Variants in XYLT1 observed in about 807,000 individuals in gnomAD.
The protein encoded by XYLT1 is beta-D-xylosyltransferase 1.
In XYLT1, 36 loss-of-function variants were observed where a neutral mutation model predicts 91.3. That is an observed-to-expected ratio of 0.39 (90% CI 0.30 to 0.52). The LOEUF is 0.52. XYLT1 is among the 20% of genes least tolerant of loss of function. XYLT1 has a pLI of 0.68. For missense variants in XYLT1, 1,242 were observed against 1,284.5 expected, an observed-to-expected ratio of 0.97 and a Z score of 0.51; for synonymous variants, 588 against 532.0, an observed-to-expected ratio of 1.11 and a Z score of -1.45.
At chr16:17,266,720 G>T (rs1034503561) in intron 2 of XYLT1, among the ~76,000 whole-genome samples, 1 of 152,216 alleles carries the variant, frequency 6.6e-6, no homozygotes, top group Non-Finnish European at 1.5e-5. Context: ...CCATGTGCAC[G>T]CACAGCCGGC....
At chr16:17,347,105 C>T (rs1023593056) in intron 2 of XYLT1, among the ~76,000 whole-genome samples, 1 of 152,208 alleles carries the variant, frequency 6.6e-6, no homozygotes, top group African/African-American at 2.4e-5. Context: ...CCTGTTGGCT[C>T]TCAGAGGTAC....
At position 17,259,174 on chromosome 16, in the gene XYLT1, C is replaced by T; in HGVS notation, c.727G>A (p.Gly243Arg). 3 of 1,600,524 alleles carry T rather than the reference C, an allele frequency of 1.9e-6. No individual in the cohort carries two copies. The highest frequency in any genetic ancestry group is 2.6e-6 in the Non-Finnish European group (3 of 1,173,512). Residue 243 changes from glycine (G) to arginine (R), a missense_variant, in exon 3 of 12, where the codon GGG becomes AGG. By Grantham distance (125) the Gly-to-Arg change is moderately radical. This residue lies in a region of XYLT1 where 437 missense variants were observed against 411.5 expected (regional missense o/e 1.06). Coordinates refer to ENST00000261381, the MANE Select transcript of XYLT1 (RefSeq NM_022166.4). ...TACTTGGTCTCGGGGGAGCTGCCCCCAGTTTTCCTGGCATGAGGCGGTCTG... is the reference window on the plus strand; with the variant it reads ...TACTTGGTCTCGGGGGAGCTGCCCCTAGTTTTCCTGGCATGAGGCGGTCTG... ...VSRPPHARKT[G>R]GSSPETKYDQ...
chr16:17,166,707 A>G (rs1373271907), intron 5 of XYLT1, among the ~76,000 whole-genome samples: 10 of 149,706 alleles, frequency 6.7e-5, no homozygotes, highest in Middle Eastern at 3.4e-3. Flanking sequence ...TTTTTAGTAG[A>G]GATGGGGTTT....
intron 2 of XYLT1, among the ~76,000 whole-genome samples, chr16:17,282,587 T>C (rs779441161): frequency 4.3e-4 from 65 of 152,212 alleles, no homozygotes; most frequent in Admixed American, 1.2e-3. Flanking sequence ...GGCACCGGCA[T>C]TTCTGCCATT....
intron 5 of XYLT1, 32 bp from the exon 6 acceptor site, chr16:17,158,941 C>T: frequency 6.3e-7 from 1 of 1,592,082 alleles, no homozygotes; most frequent in Non-Finnish European, 8.6e-7. Context: ...AGAGTCAGGC[C>T]AGACACCGTG....
At chr16:17,366,998 T>C (rs2035463316) in intron 1 of XYLT1, among the ~76,000 whole-genome samples, 1 of 152,026 alleles carries the variant, frequency 6.6e-6, no homozygotes, top group Admixed American at 6.6e-5. Flanking sequence ...ATGCTCCTCA[T>C]ACTAGATGTT....
intron 6 of XYLT1, among the ~76,000 whole-genome samples, chr16:17,147,650 G>C (rs2031170302): frequency 6.6e-6 from 1 of 152,188 alleles, no homozygotes; most frequent in Non-Finnish European, 1.5e-5. Flanking sequence ...AAAGTTTCTG[G>C]AGTCACAGGG....
chr16:17,113,470 T>C (rs1458635644), intron 11 of XYLT1, among the ~76,000 whole-genome samples: 1 of 152,224 alleles, frequency 6.6e-6, no homozygotes, highest in African/African-American at 2.4e-5. Context: ...CCACGGTTCT[T>C]GGCTCAGAAC....
chr16:17,457,502 C>A (rs2036760350), intron 1 of XYLT1, among the ~76,000 whole-genome samples: 1 of 152,224 alleles, frequency 6.6e-6, no homozygotes, highest in Non-Finnish European at 1.5e-5. Context: ...TCTAAACCAC[C>A]CAGTCTTTCA....
chr16:17,101,903 G>A lies in XYLT1; in HGVS notation c.*6792C>T, dbSNP rs1426674964. The A allele has an allele frequency of 6.6e-6, 1 of 152,222 alleles. No individual in the cohort carries two copies. The highest frequency in any genetic ancestry group is 2.4e-5 in the African/African-American group (1 of 41,450). The allele number at this position is 152,222 out of a possible 1,614,324, so 9.4% of individuals were successfully genotyped here. A position where few individuals can be genotyped will look rare whatever the true frequency, so the allele number is the denominator to read the frequency against. The stretch of plus-strand genomic sequence containing the variant: ...AGGCAGTCTGGGAAATGTAGTCTCT[G>A]TGGTAAAGAGGAAAGGAAAACACGT... On this transcript the variant is annotated 3_prime_UTR_variant, in exon 12 of 12. Transcript: ENST00000261381.
chr16:17,443,028 C>A (rs919861881), intron 1 of XYLT1, among the ~76,000 whole-genome samples: 1 of 152,102 alleles, frequency 6.6e-6, no homozygotes, highest in Non-Finnish European at 1.5e-5. Flanking sequence ...GAGGACTGGA[C>A]GCATTGGAGC....
intron 11 of XYLT1, among the ~76,000 whole-genome samples, chr16:17,111,511 C>T (rs1597126009): frequency 6.6e-6 from 1 of 152,160 alleles, no homozygotes; most frequent in Non-Finnish European, 1.5e-5. Flanking sequence ...ATGCAGTGTT[C>T]AGAAGACAGT....
At position 17,437,269 on chromosome 16, in the gene XYLT1, C is replaced by T. The variant is rs369960118; in HGVS notation, c.363+33165G>A. The stretch of plus-strand genomic sequence containing the variant: ...ATCTCAGACATGAAGGCAAGAGATC[C>T]GGAACCATCTGGGCCCGTGTAGGGT... On this transcript the variant is annotated intron_variant, in intron 1 of 11. Coordinates refer to ENST00000261381, the MANE Select transcript of XYLT1 (RefSeq NM_022166.4). Among the ~76,000 whole-genome samples, 11 of 152,274 alleles carry T rather than the reference C, an allele frequency of 7.2e-5. No homozygotes were observed. In the East Asian group the frequency reaches 7.7e-4, roughly 11 times the overall value.
chr16:17,160,028 C>T (rs2031509253), intron 5 of XYLT1, among the ~76,000 whole-genome samples: 1 of 152,206 alleles, frequency 6.6e-6, no homozygotes, highest in Non-Finnish European at 1.5e-5. Flanking sequence ...GATAAAAAAA[C>T]ATCTCTGGGG....
chr16:17,304,617 C>T lies in XYLT1; in HGVS notation c.403-45119G>A, dbSNP rs145585312. Reference sequence around the variant, plus strand: ...CCTGCTGTAAGCCTACGTCCAAAAGCGTCATATGTCAACAACCTGGTAAAT... The same window carrying T: ...CCTGCTGTAAGCCTACGTCCAAAAGTGTCATATGTCAACAACCTGGTAAAT... On this transcript the variant is annotated intron_variant, in intron 2 of 11. Coordinates refer to ENST00000261381, the MANE Select transcript of XYLT1 (RefSeq NM_022166.4). 3.6e-3 allele frequency among the ~76,000 whole-genome samples: 541 copies of T among 152,224 alleles called. 4 individuals carry two copies. The highest frequency in any genetic ancestry group is 0.012 in the African/African-American group (495 of 41,530).
intron 2 of XYLT1, among the ~76,000 whole-genome samples, chr16:17,347,994 C>T (rs951677222): frequency 5.9e-5 from 9 of 152,060 alleles, no homozygotes; most frequent in Non-Finnish European, 1.0e-4. Context: ...ACACAGCCAA[C>T]CCATGGAAAC....
chr16:17,368,327 G>A (rs2035481617), intron 1 of XYLT1, among the ~76,000 whole-genome samples: 1 of 152,174 alleles, frequency 6.6e-6, no homozygotes, highest in South Asian at 2.1e-4. Flanking sequence ...GAAAGCTTCA[G>A]CAGGGGAGGG....
intron 3 of XYLT1, among the ~76,000 whole-genome samples, chr16:17,203,388 A>G (rs1368546570): frequency 5.9e-5 from 9 of 152,058 alleles, no homozygotes; most frequent in Non-Finnish European, 8.8e-5. Context: ...TCATCGATCG[A>G]AATCCAACCA....
At chr16:17,223,206 C>T (rs1289249266) in intron 3 of XYLT1, among the ~76,000 whole-genome samples, 1 of 152,198 alleles carries the variant, frequency 6.6e-6, no homozygotes, top group East Asian at 1.9e-4. Flanking sequence ...GATGCACAGT[C>T]GCACTCACAG....
Sources: gnomAD v4.1 joint callset for allele counts (sites outside exome capture counted in the v4.1 genomes callset) on GRCh38, gnomAD v4.1.1 for gene constraint, gnomAD v4.1.1 regional missense constraint, MANE v1.5 for transcripts, NCBI Gene and HGNC (gene_info 2026-07-23, HGNC 2026-07-21) for gene names.